Variants in PKP4 observed in about 807,000 individuals in gnomAD.
PKP4 encodes plakophilin 4.
Under a neutral mutation model 145.1 loss-of-function variants are expected in PKP4, and 90 were observed. That is an observed-to-expected ratio of 0.62 (90% confidence interval 0.52 to 0.74). The LOEUF (loss-of-function observed/expected upper bound fraction) is 0.74, where lower values mean the gene tolerates loss of function less well. Among genes scored for constraint, PKP4 ranks in the 30% least tolerant of loss-of-function variants. The pLI, the probability that PKP4 is intolerant of heterozygous loss-of-function variation, is 0.00. For missense variants in PKP4, 1,340 were observed against 1,482.7 expected (o/e 0.90, Z 1.58); for synonymous variants, 563 against 577.2 (o/e 0.98, Z 0.35).
At chr2:158,530,789 A>G (rs922065102) in intron 1 of PKP4, among the ~76,000 whole-genome samples, 6 of 151,984 alleles carry the variant, frequency 3.9e-5, no homozygotes, top group Non-Finnish European at 8.8e-5. Flanking sequence ...CTCCTCATCT[A>G]ATGACTGTTC....
At chr2:158,514,775 T>C (rs1023996433) in intron 1 of PKP4, among the ~76,000 whole-genome samples, 1 of 152,120 alleles carries the variant, frequency 6.6e-6, no homozygotes, top group Non-Finnish European at 1.5e-5. Context: ...ACCCCATCTC[T>C]ACTATAAACA....
At chr2:158,511,655 T>C (rs1451992770) in intron 1 of PKP4, among the ~76,000 whole-genome samples, 1 of 152,168 alleles carries the variant, frequency 6.6e-6, no homozygotes, top group Non-Finnish European at 1.5e-5. Context: ...CAAATTGTAT[T>C]TATCAGAGAG....
intron 20 of PKP4, among the ~76,000 whole-genome samples, chr2:158,677,702 C>T (rs925498968): frequency 1.6e-4 from 25 of 152,082 alleles, no homozygotes; most frequent in Admixed American, 1.1e-3. Flanking sequence ...ATTTACTAAT[C>T]GACTGTTGTT....
chr2:158,622,773 TTATA>T (rs2052377875), intron 6 of PKP4, among the ~76,000 whole-genome samples: 1 of 152,214 alleles, frequency 6.6e-6, no homozygotes, highest in Non-Finnish European at 1.5e-5. Context: ...AGTCCTCAGA[TTATA>T]TATTTATTCT....
rs529117632 is a variant in PKP4, at chr2:158,495,144, G to A, written c.-6+37926G>A. Among the ~76,000 whole-genome samples, 5 of 152,148 alleles carry A rather than the reference G, an allele frequency of 3.3e-5. No homozygotes were observed. The South Asian group carries it at 1.0e-3, about 32-fold the overall frequency. Reference sequence around the variant, plus strand: ...GAGGCAGGAGAATCACTTGAACCCAGGAGGCGGAGGTTGCAGTGAGCCGAG... The same window carrying A: ...GAGGCAGGAGAATCACTTGAACCCAAGAGGCGGAGGTTGCAGTGAGCCGAG... On this transcript the variant is annotated intron_variant, in intron 1 of 21. Coordinates refer to ENST00000389759, the MANE Select transcript of PKP4 (RefSeq NM_003628.6).
At position 158,678,646 on chromosome 2, in the gene PKP4, C is replaced by T. The variant is rs1301343976; in HGVS notation, c.3322C>T (p.Arg1108Trp). The T allele has an allele frequency of 1.3e-5, 20 of 1,584,096 alleles. No homozygotes were observed. Among genetic ancestry groups the T allele is most frequent in the Admixed American group, 3.3e-5 (2 of 59,962 alleles). Reference sequence around the variant, plus strand: ...CTCACCAGCAAGAGAACAAAATAGACGGCTACAGGTGAATTTGCAATATCA... The same window carrying T: ...CTCACCAGCAAGAGAACAAAATAGATGGCTACAGGTGAATTTGCAATATCA... The part of the protein sequence containing the change: ...YSSPAREQNR[R>W]LQHQQLYYSQ... Residue 1108 changes from arginine (R) to tryptophan (W), a missense_variant, in exon 21 of 22, where the codon CGG (arginine) becomes TGG (tryptophan). Physicochemically the swap from Arg to Trp is moderately radical, Grantham distance 101 (BLOSUM62 -3). Coordinates refer to ENST00000389759, the MANE Select transcript of PKP4 (RefSeq NM_003628.6).
chr2:158,659,290 T>A (rs190195021), intron 12 of PKP4: 75 of 152,228 alleles, frequency 4.9e-4, no homozygotes, highest in African/African-American at 1.7e-3. Context: ...GATGCCCACA[T>A]CTCAGGGTGG....
At chr2:158,490,682 TAAG>T (rs1002797068) in intron 1 of PKP4, among the ~76,000 whole-genome samples, 6 of 152,200 alleles carry the variant, frequency 3.9e-5, no homozygotes, top group African/African-American at 1.4e-4. Context: ...TAATCTGTCT[TAAG>T]GAGGGCATGA....
intron 3 of PKP4, among the ~76,000 whole-genome samples, chr2:158,598,163 C>T (rs75301066): frequency 3.7e-4 from 56 of 152,188 alleles, no homozygotes; most frequent in African/African-American, 1.3e-3. Flanking sequence ...GCAATTTGAC[C>T]GTATTCTGAT....
chr2:158,493,095 C>G (rs1022189282), intron 1 of PKP4, among the ~76,000 whole-genome samples: 1 of 151,940 alleles, frequency 6.6e-6, no homozygotes. Context: ...CTTTCAGTTA[C>G]TTTGTCTATT....
At chr2:158,592,274 A>G (rs115272134) in intron 3 of PKP4, among the ~76,000 whole-genome samples, 1 of 152,220 alleles carries the variant, frequency 6.6e-6, no homozygotes, top group African/African-American at 2.4e-5. Flanking sequence ...GATTTAAAAC[A>G]TTCTAGAACC....
chr2:158,545,104 C>T (rs2044880818), intron 2 of PKP4, among the ~76,000 whole-genome samples: 1 of 40,586 alleles, frequency 2.5e-5, no homozygotes, highest in Non-Finnish European at 4.7e-5. Flanking sequence ...TTTTTTGAGC[C>T]ACTGGGCACA....
intron 2 of PKP4, among the ~76,000 whole-genome samples, chr2:158,559,637 T>G (rs2046358229): frequency 6.6e-6 from 1 of 152,158 alleles, no homozygotes; most frequent in Non-Finnish European, 1.5e-5. Context: ...CTTGATCTTT[T>G]CCTGTGTATT....
At chr2:158,543,148 C>G (rs911756071) in intron 2 of PKP4, among the ~76,000 whole-genome samples, 1 of 152,080 alleles carries the variant, frequency 6.6e-6, no homozygotes, top group Non-Finnish European at 1.5e-5. Context: ...GTACAATATC[C>G]TTTCAGTTCA....
At chr2:158,516,052 T>C (rs1369170703) in intron 1 of PKP4, among the ~76,000 whole-genome samples, 1 of 151,846 alleles carries the variant, frequency 6.6e-6, no homozygotes, top group African/African-American at 2.4e-5. Flanking sequence ...CTTTTTTTTT[T>C]TTTTTTTATA....
intron 1 of PKP4, among the ~76,000 whole-genome samples, chr2:158,459,711 A>T (rs572023804): frequency 1.3e-5 from 2 of 152,138 alleles, no homozygotes; most frequent in South Asian, 2.1e-4. Flanking sequence ...TTTTGACTTG[A>T]TGTCAAGATT....
intron 11 of PKP4, among the ~76,000 whole-genome samples, chr2:158,651,860 G>A (rs1228394706): frequency 6.6e-6 from 1 of 152,024 alleles, no homozygotes; most frequent in African/African-American, 2.4e-5. Flanking sequence ...GTGATGATGT[G>A]TGTTGAGCTC....
rs181889611 is a variant in PKP4 at position 158,468,055 on chromosome 2, T to A, written c.-6+10837T>A. Among the ~76,000 whole-genome samples, 730 of 152,354 alleles carry A rather than the reference T, an allele frequency of 4.8e-3. 1 individual carries two copies. The highest frequency in any genetic ancestry group is 0.016 in the African/African-American group (667 of 41,578). On this transcript the variant is annotated intron_variant, in intron 1 of 21. Transcript: ENST00000389759. ...AACCATTCACCTGTTGTTTCCAACT[T>A]ATAGCTATTACAAATAGAGTTGCTA...
chr2:158,669,844 G>A lies in PKP4; in HGVS notation c.2853G>A (p.Glu951=). The change falls in exon 17 of 22, where the codon GAG becomes GAA. Residue 951 remains glutamate, a synonymous_variant. Transcript: ENST00000389759. ...ALHEVTSKNM[E]NAKALADSGG... ...ACGAGGTCACCAGCAAAAACATGGA[G>A]AACGCAAAAGCCCTGGCCGACTCAG... The A allele has an allele frequency of 2.5e-6, 4 of 1,614,112 alleles. No individual in the cohort carries two copies. The highest frequency in any genetic ancestry group is 2.5e-6 in the Non-Finnish European group (3 of 1,179,934).
Sources: allele counts gnomAD v4.1 joint callset (sites outside exome capture counted in the v4.1 genomes callset), GRCh38; gene constraint gnomAD v4.1.1; transcripts MANE v1.5; gene names NCBI Gene and HGNC (gene_info 2026-07-23, HGNC 2026-07-21).